The following PPM1B variants were observed in gnomAD, a reference collection of about 807,000 sequenced individuals.
PPM1B encodes the protein protein phosphatase, Mg2+/Mn2+ dependent 1B, also known as protein phosphatase 1B.
A neutral mutation model predicts 43.0 loss-of-function variants in PPM1B; 22 were observed. The observed-to-expected ratio is 0.51, with a 90% CI of 0.37 to 0.73. The LOEUF (loss-of-function observed/expected upper bound fraction) is 0.73. PPM1B is among the 30% of genes least tolerant of loss of function. The pLI, the probability that PPM1B is intolerant of heterozygous loss-of-function variation, is 0.00. For missense variants in PPM1B, 632 were observed against 584.2 expected (o/e 1.08, Z -0.84); for synonymous variants, 217 against 197.9 (o/e 1.10, Z -0.81).
intron 2 of PPM1B, among the ~76,000 whole-genome samples, 169 bp downstream of exon 2, chr2:44,202,214 G>A (rs182498302): frequency 6.6e-6 from 1 of 152,076 alleles, no homozygotes; most frequent in Non-Finnish European, 1.5e-5. Flanking sequence ...ATCCTTGTTT[G>A]TCCCAGCCTT....
chr2:44,218,633 A>G, intron 5 of PPM1B, 96 bp downstream of exon 5: 3 of 854,548 alleles, frequency 3.5e-6, no homozygotes, highest in Non-Finnish European at 5.4e-6. Context: ...ATAATAAATT[A>G]TAGTCTGTAG....
intron 5 of PPM1B, among the ~76,000 whole-genome samples, chr2:44,243,192 G>A (rs569659644): frequency 3.9e-5 from 6 of 152,182 alleles, no homozygotes; most frequent in Non-Finnish European, 5.9e-5. Flanking sequence ...TAGAGAGAGG[G>A]CTAAGATGCT....
At position 44,197,123 on chromosome 2, in the gene PPM1B, C is replaced by CT. The variant is rs202169617; in HGVS notation, c.-14-4054dup. The stretch of plus-strand genomic sequence containing the variant: ...CCTACCCAGTTTCCACTAACGTTAA[C>CT]TTTTTTTTTGAGACAGGGTCTTGCT... On this transcript the variant is annotated intron_variant, in intron 1 of 5. Coordinates refer to ENST00000282412, the MANE Select transcript of PPM1B (RefSeq NM_002706.6). Among the ~76,000 whole-genome samples the CT allele has an allele frequency of 4.4e-3, 665 of 151,580 alleles. 4 individuals are homozygous for CT. Among genetic ancestry groups the CT allele is most frequent in the African/African-American group, 0.015 (631 of 41,328 alleles).
chr2:44,238,780 T>C (rs1436795202), downstream of PPM1B, among the ~76,000 whole-genome samples: 1 of 152,138 alleles, frequency 6.6e-6, no homozygotes, highest in Non-Finnish European at 1.5e-5. Flanking sequence ...CTTCGGACTG[T>C]AACTAATTTT....
rs546911936 is a variant in PPM1B at position 44,230,692 on chromosome 2, A to G, written c.1414A>G (p.Thr472Ala). 10 of 1,610,876 alleles carry G rather than the reference A, an allele frequency of 6.2e-6. No homozygotes were observed. The African/African-American group carries it at 1.2e-4, about 19-fold the overall frequency. The change falls in exon 6 of 6, where the codon ACA becomes GCA. Residue 472 changes from threonine (T) to alanine (A), a missense_variant. Physicochemically the swap from Thr to Ala is moderately conservative, Grantham distance 58. Transcript: ENST00000282412. ...ELDSSNEDAGTKMSGEKI is the reference protein window; with the variant it reads ...ELDSSNEDAGAKMSGEKI ...AGACAGCTCTAATGAAGATGCAGGGACAAAGATGAGTGGTGAAAAAATATG... is the reference window on the plus strand; with the variant it reads ...AGACAGCTCTAATGAAGATGCAGGGGCAAAGATGAGTGGTGAAAAAATATG...
At chr2:44,197,137 C>T (rs1375522729) in intron 1 of PPM1B, among the ~76,000 whole-genome samples, 1 of 152,026 alleles carries the variant, frequency 6.6e-6, no homozygotes, top group Non-Finnish European at 1.5e-5. Context: ...TTTTTTGAGA[C>T]AGGGTCTTGC....
rs1477841182 is a variant in PPM1B at position 44,201,901 on chromosome 2, G to A, written c.702G>A (p.Glu234=). ...TTTATGAAATTTTAAGAGCAGAAGAGGATGAATTTATCATCTTGGCTTGTG... is the reference window on the plus strand; with the variant it reads ...TTTATGAAATTTTAAGAGCAGAAGAAGATGAATTTATCATCTTGGCTTGTG... The part of the protein sequence containing the change: ...PEVYEILRAE[E]DEFIILACDG... The change falls in exon 2 of 6, where the codon GAG becomes GAA. Residue 234 remains glutamate, a synonymous_variant. Coordinates refer to ENST00000282412, the MANE Select transcript of PPM1B (RefSeq NM_002706.6). This position sits in a 1 kb window ranked among gnomAD's most constrained non-coding sequence, Gnocchi z 5.4. 5.6e-6 allele frequency: 9 copies of A among 1,614,148 alleles called. 1 individual carries two copies. In the African/African-American group the frequency reaches 6.7e-5, roughly 12 times the overall value.
rs1668315706 is a variant in PPM1B, at chr2:44,189,766, A to T, written c.-14-11420A>T. On this transcript the variant is annotated intron_variant, in intron 1 of 5. Coordinates refer to ENST00000282412, the MANE Select transcript of PPM1B (RefSeq NM_002706.6). ...AGGCATGAGCCACTGTAGCCTGCCC[A>T]TTGTTTTTTATTAATCACTGCTTCT... Among the ~76,000 whole-genome samples, 3 of 152,146 alleles carry T rather than the reference A, an allele frequency of 2.0e-5. No homozygotes were observed. The South Asian group carries it at 6.2e-4, about 32-fold the overall frequency.
rs1572751005 is a variant in PPM1B at position 44,224,470 on chromosome 2, A to G, written c.1134+5933A>G. 4.6e-5 allele frequency among the ~76,000 whole-genome samples: 7 copies of G among 152,102 alleles called. No individual in the cohort carries two copies. The South Asian group carries it at 1.5e-3, about 32-fold the overall frequency. The stretch of plus-strand genomic sequence containing the variant: ...ACTCCGTCTCCAAAAAAAAAAAAAA[A>G]AAAAAGAATTTTGGTTATGAGAGCT... On this transcript the variant is annotated intron_variant, in intron 5 of 5. Coordinates refer to ENST00000282412, the MANE Select transcript of PPM1B (RefSeq NM_002706.6).
Position 44,230,832 on chromosome 2 carries a change from A to G in PPM1B, c.*114A>G. On this transcript the variant is annotated 3_prime_UTR_variant, in exon 6 of 6. Coordinates refer to ENST00000282412, the MANE Select transcript of PPM1B (RefSeq NM_002706.6). ...TGAATCTTGGAAAACTAGTTTTATT[A>G]TATTCAGATAGCCTTGTTTTTTAAA... 6.9e-7 allele frequency: 1 copy of G among 1,455,976 alleles called. No individual in the cohort carries two copies. The highest frequency in any genetic ancestry group is 1.5e-5 in the South Asian group (1 of 67,618). The allele number at this position is 1,455,976 out of a possible 1,614,324, so 90.2% of individuals were successfully genotyped here. A position where few individuals can be genotyped will look rare whatever the true frequency, so the allele number is the denominator to read the frequency against.
chr2:44,239,896 GT>G (rs66631221), intron 5 of PPM1B, among the ~76,000 whole-genome samples: 39,118 of 140,142 alleles, frequency 0.28, 7,568 homozygotes, highest in African/African-American at 0.57. Context: ...TTTTGTTTTT[GT>G]TTTTTTTTTT....
chr2:44,244,095 AC>A (rs1025800233), intron 5 of PPM1B: 10 of 237,458 alleles, frequency 4.2e-5, no homozygotes, highest in Middle Eastern at 2.2e-3. Flanking sequence ...TGATGAGTGA[AC>A]CCCCCTCCTC....
At chr2:44,225,311 G>T (rs1250478592) in intron 5 of PPM1B, among the ~76,000 whole-genome samples, 2 of 152,190 alleles carry the variant, frequency 1.3e-5, no homozygotes, top group East Asian at 3.8e-4. Context: ...AGAGTTAATT[G>T]CTATAATAGA....
chr2:44,238,570 C>T (rs1371665693), downstream of PPM1B, among the ~76,000 whole-genome samples: 1 of 151,940 alleles, frequency 6.6e-6, no homozygotes, highest in Non-Finnish European at 1.5e-5. Flanking sequence ...AGCCTGGTGG[C>T]GGGTGCCTAT....
chr2:44,233,493 T>C (rs1670526057), downstream of PPM1B: 2 of 984,796 alleles, frequency 2.0e-6, no homozygotes, highest in Non-Finnish European at 1.2e-6. Context: ...AAAGTATTTA[T>C]CTGAAAGAAG....
At chr2:44,232,480 G>T, downstream of PPM1B, 6 of 1,519,780 alleles carry the variant, frequency 3.9e-6, no homozygotes, top group Non-Finnish European at 4.4e-6. Context: ...AAAATCATTA[G>T]CATTTCCCAT....
In PPM1B at chr2:44,201,657, G is replaced by A. The variant is rs1188658771; in HGVS notation, c.458G>A (p.Arg153His). Residue 153 changes from arginine to histidine, a missense_variant, in exon 2 of 6, where the codon CGT becomes CAT. Transcript: ENST00000282412. This position sits in a 1 kb window ranked among gnomAD's most constrained non-coding sequence, Gnocchi z 5.4. ...TACTTTATCAACTGTGGTGATTCACGTGCTGTTCTGTATAGGAATGGACAA... is the reference window on the plus strand; with the variant it reads ...TACTTTATCAACTGTGGTGATTCACATGCTGTTCTGTATAGGAATGGACAA... ...HIYFINCGDS[R>H]AVLYRNGQVC... The A allele has an allele frequency of 6.2e-7, 1 of 1,614,134 alleles. No homozygotes were observed. The highest frequency in any genetic ancestry group is 1.7e-5 in the Admixed American group (1 of 60,016).
At chr2:44,234,915 C>CTAAAA (rs746933948), downstream of PPM1B, among the ~76,000 whole-genome samples, 1 of 152,028 alleles carries the variant, frequency 6.6e-6, no homozygotes, top group Non-Finnish European at 1.5e-5. Flanking sequence ...TTTTGTGAGC[C>CTAAAA]CTTTAATGTT....
At chr2:44,217,890 T>C (rs927238946) in intron 3 of PPM1B, 77 bp from the exon 4 acceptor site, 14 of 813,918 alleles carry the variant, frequency 1.7e-5, no homozygotes, top group Middle Eastern at 4.9e-4. Flanking sequence ...TACTACCAAA[T>C]AGTATCTCTT....
Sources: allele counts gnomAD v4.1 joint callset (sites outside exome capture counted in the v4.1 genomes callset), GRCh38; gene constraint gnomAD v4.1.1; non-coding constraint Gnocchi (gnomAD v3.1); transcripts MANE v1.5; gene names NCBI Gene and HGNC (gene_info 2026-07-23, HGNC 2026-07-21).